The following EEFSEC variants were observed in gnomAD, a reference collection of about 807,000 sequenced individuals.
EEFSEC encodes the protein selenocysteine-specific elongation factor.
A neutral mutation model predicts 42.1 loss-of-function variants in EEFSEC; 43 were observed. The ratio of observed to expected loss-of-function variants is 1.02; its 90% CI spans 0.80 to 1.32. The LOEUF is 1.32. Among genes scored for constraint, EEFSEC ranks in the 40% most tolerant of loss-of-function variants. The pLI, the probability that EEFSEC is intolerant of heterozygous loss-of-function variation, is 0.00. For synonymous variants in EEFSEC, 354 were observed against 339.1 expected (o/e 1.04, Z -0.48); for missense variants, 745 against 803.6 (o/e 0.93, Z 0.88).
At chr3:128,382,709 A>G (rs1039205473) in intron 6 of EEFSEC, among the ~76,000 whole-genome samples, 33 of 152,150 alleles carry the variant, frequency 2.2e-4, no homozygotes, top group African/African-American at 8.0e-4. Flanking sequence ...ACCCCTGCCA[A>G]AGGCAGCCTG....
At chr3:128,379,896 C>A (rs577175720) in intron 6 of EEFSEC, among the ~76,000 whole-genome samples, 3 of 152,352 alleles carry the variant, frequency 2.0e-5, no homozygotes, top group African/African-American at 7.2e-5. Flanking sequence ...CCAGGGACTC[C>A]CAAGAATGAG....
intron 4 of EEFSEC, among the ~76,000 whole-genome samples, chr3:128,285,620 C>T (rs973215259): frequency 8.5e-5 from 13 of 152,168 alleles, no homozygotes; most frequent in Non-Finnish European, 1.8e-4. Context: ...TTGTGCTTCC[C>T]TACTGATCCC....
At chr3:128,179,191 A>G (rs539577459) in intron 1 of EEFSEC, among the ~76,000 whole-genome samples, 4 of 152,294 alleles carry the variant, frequency 2.6e-5, no homozygotes, top group African/African-American at 4.8e-5. Context: ...CAGTCTCTAC[A>G]TTTCCCAAAG....
At chr3:128,197,964 G>T (rs1173037129) in intron 1 of EEFSEC, among the ~76,000 whole-genome samples, 1 of 152,192 alleles carries the variant, frequency 6.6e-6, no homozygotes, top group Non-Finnish European at 1.5e-5. Flanking sequence ...GTCTGTCTCT[G>T]CCTGTGACTT....
In EEFSEC at chr3:128,346,509, A is replaced by G. The variant is rs905386792; in HGVS notation, c.1443+4620A>G. ...ATCTCATATTCTGTTAACACAACTA[A>G]TAACAAACACAGTACTTTGCCATGT... On this transcript the variant is annotated intron_variant, in intron 5 of 6. Coordinates refer to ENST00000254730, the MANE Select transcript of EEFSEC (RefSeq NM_021937.5). 3.9e-5 allele frequency among the ~76,000 whole-genome samples: 6 copies of G among 152,364 alleles called. No homozygotes were observed. The East Asian group carries it at 1.2e-3, about 29-fold the overall frequency.
intron 1 of EEFSEC, among the ~76,000 whole-genome samples, chr3:128,166,911 C>T (rs73861006): frequency 0.011 from 1,747 of 152,238 alleles, 26 homozygotes; most frequent in African/African-American, 0.036. Flanking sequence ...TCCAACCCCC[C>T]GCAGAAGGTA....
intron 6 of EEFSEC, among the ~76,000 whole-genome samples, chr3:128,394,269 C>T (rs1212997755): frequency 2.0e-5 from 3 of 152,234 alleles, no homozygotes; most frequent in African/African-American, 7.2e-5. Flanking sequence ...AGAGATGCCA[C>T]GCCACCCCTG....
chr3:128,388,378 C>T (rs1447233511), intron 6 of EEFSEC, among the ~76,000 whole-genome samples: 3 of 152,240 alleles, frequency 2.0e-5, no homozygotes, highest in African/African-American at 4.8e-5. Flanking sequence ...TACAGTCCAT[C>T]TCTGCCTTCG....
At chr3:128,181,673 TG>T (rs543384596) in intron 1 of EEFSEC, among the ~76,000 whole-genome samples, 63 of 152,288 alleles carry the variant, frequency 4.1e-4, no homozygotes, top group African/African-American at 1.4e-3. Context: ...CCTGGGCTGG[TG>T]GGGGGCGGTC....
chr3:128,219,453 CT>C (rs1206365019), intron 1 of EEFSEC, among the ~76,000 whole-genome samples: 2 of 152,318 alleles, frequency 1.3e-5, no homozygotes, highest in Non-Finnish European at 2.9e-5. Flanking sequence ...TCTGCAGCCA[CT>C]TGGGTCTTCC....
chr3:128,244,471 CTT>C (rs34606977), intron 1 of EEFSEC, among the ~76,000 whole-genome samples: 172 of 134,466 alleles, frequency 1.3e-3, no homozygotes, highest in Non-Finnish European at 1.3e-3. Context: ...ATTGGGGAGT[CTT>C]TTTTTTTTTT....
intron 1 of EEFSEC, among the ~76,000 whole-genome samples, chr3:128,239,629 C>T (rs2066049751): frequency 1.3e-5 from 2 of 152,196 alleles, no homozygotes; most frequent in Admixed American, 1.3e-4. Flanking sequence ...GATCACATGC[C>T]TCAGATCAAA....
At chr3:128,365,353 G>T (rs1357132747) in intron 6 of EEFSEC, among the ~76,000 whole-genome samples, 6 of 152,330 alleles carry the variant, frequency 3.9e-5, no homozygotes, top group Admixed American at 3.3e-4. Flanking sequence ...CGCTGGGCTA[G>T]TTACCTGGAG....
intron 2 of EEFSEC, among the ~76,000 whole-genome samples, chr3:128,254,364 C>T (rs2066220560): frequency 6.6e-6 from 1 of 152,204 alleles, no homozygotes; most frequent in Non-Finnish European, 1.5e-5. Flanking sequence ...GTATAGACGA[C>T]TGGTGGTTGC....
intron 4 of EEFSEC, among the ~76,000 whole-genome samples, chr3:128,312,771 C>T (rs896011689): frequency 2.0e-5 from 3 of 152,152 alleles, no homozygotes; most frequent in African/African-American, 4.8e-5. Context: ...GGGAGAAGGC[C>T]CTCTGCAATT....
chr3:128,376,401 C>T (rs1358827690), intron 6 of EEFSEC, among the ~76,000 whole-genome samples: 2 of 152,308 alleles, frequency 1.3e-5, no homozygotes, highest in South Asian at 2.1e-4. Context: ...ACAGCCCTTC[C>T]CAGGGCCCCG....
rs114351200 is a variant in EEFSEC, at chr3:128,155,347, G to A, written c.316+1524G>A. 6.2e-3 allele frequency among the ~76,000 whole-genome samples: 943 copies of A among 152,124 alleles called. 8 individuals carry two copies. The highest frequency in any genetic ancestry group is 0.021 in the African/African-American group (883 of 41,484). On this transcript the variant is annotated intron_variant, in intron 1 of 6. Transcript: ENST00000254730. ...CCAGGATGGTCTTGATCTCGACCTC[G>A]TGATCCCCATGCCTCGGCCTCCCAA...
At chr3:128,343,177 G>A (rs1340802663) in intron 5 of EEFSEC, among the ~76,000 whole-genome samples, 2 of 152,188 alleles carry the variant, frequency 1.3e-5, no homozygotes, top group African/African-American at 4.8e-5. Flanking sequence ...GCCCATCCAC[G>A]GTGTCACATG....
chr3:128,394,811 G>A (rs1407387477), intron 6 of EEFSEC, among the ~76,000 whole-genome samples: 5 of 152,168 alleles, frequency 3.3e-5, no homozygotes, highest in Non-Finnish European at 5.9e-5. Context: ...GGGCAGGCTG[G>A]GGTGAGTCCT....
Sources: gnomAD v4.1 joint callset for allele counts (sites outside exome capture counted in the v4.1 genomes callset) on GRCh38, gnomAD v4.1.1 for gene constraint, MANE v1.5 for transcripts, NCBI Gene and HGNC (gene_info 2026-07-23, HGNC 2026-07-21) for gene names.